Variants in PITPNM2 observed in about 807,000 individuals in gnomAD.
The protein encoded by PITPNM2 is membrane-associated phosphatidylinositol transfer protein 2.
Under a neutral mutation model 132.2 loss-of-function variants are expected in PITPNM2, and 35 were observed. The observed-to-expected ratio is 0.26, with a 90% CI of 0.20 to 0.35. The LOEUF (loss-of-function observed/expected upper bound fraction) is 0.35. Among genes scored for constraint, PITPNM2 ranks in the 10% least tolerant of loss-of-function variants. The probability of loss-of-function intolerance (pLI) is 1.00; values close to 1 mark genes in which losing one functional copy is unlikely to be tolerated. For missense variants in PITPNM2, 1,332 were observed against 1,912.0 expected, an observed-to-expected ratio of 0.70 and a Z score of 5.66; for synonymous variants, 738 against 799.2, an observed-to-expected ratio of 0.92 and a Z score of 1.29.
At chr12:123,136,736 A>C (rs1056268871) in intron 1 of PITPNM2, among the ~76,000 whole-genome samples, 2 of 152,074 alleles carry the variant, frequency 1.3e-5, no homozygotes, top group Non-Finnish European at 2.9e-5. Flanking sequence ...TCTCTACTAA[A>C]AATACAAAAA....
Position 123,000,330 on chromosome 12 carries a change from A to G in PITPNM2, c.1224+448T>C. The G allele has an allele frequency of 1.4e-6, 1 of 691,830 alleles. No individual in the cohort carries two copies. The allele number at this position is 691,830 out of a possible 1,614,324, so 42.9% of individuals were successfully genotyped here. ...CTACCAAGACAGTTTTATTGGACAC[A>G]CTGAGCTCCGCCTGCCTCCCGCGGG... On this transcript the variant is annotated intron_variant, in intron 10 of 25. Coordinates refer to ENST00000320201, the MANE Select transcript of PITPNM2 (RefSeq NM_020845.3). This position sits in a 1 kb window ranked among gnomAD's most constrained non-coding sequence, Gnocchi z 5.4.
At chr12:123,112,476 CT>C (rs569445751) in intron 1 of PITPNM2, among the ~76,000 whole-genome samples, 249 of 152,148 alleles carry the variant, frequency 1.6e-3, no homozygotes, top group African/African-American at 5.8e-3. Flanking sequence ...CATCGTGTTG[CT>C]GTTTCCCAGG....
In PITPNM2 at chr12:122,997,410, G is replaced by A. The variant is rs1255446327; in HGVS notation, c.1387C>T (p.His463Tyr). ...ANVFDTVMRV[H>Y]YPSALGRLAI... ...AGGCGGCCCAGGGCGCTGGGGTAGT[G>A]CACGCGCATGACGGTGTCGAACACG... The change falls in exon 11 of 26, where the codon CAC (histidine) becomes TAC (tyrosine). Residue 463 changes from histidine (H) to tyrosine (Y), a missense_variant. Coordinates refer to ENST00000320201, the MANE Select transcript of PITPNM2 (RefSeq NM_020845.3). 1.9e-6 allele frequency: 3 copies of A among 1,613,496 alleles called. No homozygotes were observed. The highest frequency in any genetic ancestry group is 2.5e-6 in the Non-Finnish European group (3 of 1,179,998).
At chr12:123,029,270 C>T (rs1438569461) in intron 3 of PITPNM2, among the ~76,000 whole-genome samples, 1 of 152,210 alleles carries the variant, frequency 6.6e-6, no homozygotes, top group Non-Finnish European at 1.5e-5. Context: ...AAACTATGCT[C>T]TCTGAGAGCC....
intron 2 of PITPNM2, chr12:123,087,472 A>C (rs2042144867): frequency 6.6e-6 from 1 of 151,748 alleles, no homozygotes; most frequent in Non-Finnish European, 1.5e-5. Flanking sequence ...CCTGACCTCA[A>C]ATGATCTACC....
chr12:123,035,557 T>C (rs1293226648), intron 2 of PITPNM2, among the ~76,000 whole-genome samples: 1 of 151,860 alleles, frequency 6.6e-6, no homozygotes, highest in African/African-American at 2.4e-5. Context: ...TCCCAACTAC[T>C]TGGGAGGCTG....
At chr12:122,996,932 G>A in intron 11 of PITPNM2, 22 bp from the exon 12 acceptor site, 10 of 1,549,558 alleles carry the variant, frequency 6.5e-6, no homozygotes, top group Non-Finnish European at 8.7e-6. Context: ...GGCCAGTCAA[G>A]AGAGGGCAGG....
In PITPNM2 at chr12:122,994,799, A is replaced by T; in HGVS notation, c.2233+2T>A. 6.2e-7 allele frequency: 1 copy of T among 1,602,678 alleles called. No individual in the cohort carries two copies. The highest frequency in any genetic ancestry group is 8.5e-7 in the Non-Finnish European group (1 of 1,177,018). On this transcript the variant is annotated splice_donor_variant, in intron 15 of 25. Coordinates refer to ENST00000320201, the MANE Select transcript of PITPNM2 (RefSeq NM_020845.3). LOFTEE classifies it high-confidence loss of function. This position sits in a 1 kb window ranked among gnomAD's most constrained non-coding sequence, Gnocchi z 5.4. The stretch of plus-strand genomic sequence containing the variant: ...CCCATCCTGCCCCTGCTGGGCTCTC[A>T]CCATCCAGGGCTGGGATGACAGTCT...
rs756225531 is a variant in PITPNM2, at chr12:122,987,466, A to G, written c.3264-36T>C. 9.3e-6 allele frequency: 15 copies of G among 1,611,754 alleles called. No individual in the cohort carries two copies. In the African/African-American group the frequency reaches 2.0e-4, roughly 22 times the overall value. ...GTGGGGGTGCTCATCAGAACCACCC[A>G]GAGCCTCGCCCTGCCTATCCCGCCC... On this transcript the variant is annotated intron_variant, in intron 22 of 25. Transcript: ENST00000320201.
Position 123,064,605 on chromosome 12 carries a change from T to A in PITPNM2, c.-95-29920A>T, listed in dbSNP as rs1026240121. Among the ~76,000 whole-genome samples the A allele has an allele frequency of 2.0e-5, 3 of 152,204 alleles. No homozygotes were observed. The highest frequency in any genetic ancestry group is 4.4e-5 in the Non-Finnish European group (3 of 68,032). ...CCCGCCACTTCCCTGCCAGGCTGAC[T>A]GGGTCAAAAACAAAACGAGCCCAGC... On this transcript the variant is annotated intron_variant, in intron 2 of 25. Transcript: ENST00000320201. This position sits in a 1 kb window ranked among gnomAD's most constrained non-coding sequence, Gnocchi z 4.0.
At chr12:123,042,567 G>A (rs562094747) in intron 2 of PITPNM2, among the ~76,000 whole-genome samples, 2 of 152,244 alleles carry the variant, frequency 1.3e-5, no homozygotes, top group Admixed American at 6.5e-5. Flanking sequence ...CCAAGCCAGC[G>A]GGAGCCCCGG....
chr12:123,046,811 AG>A (rs1352429154), intron 2 of PITPNM2, among the ~76,000 whole-genome samples: 1 of 152,208 alleles, frequency 6.6e-6, no homozygotes, highest in Non-Finnish European at 1.5e-5. Context: ...CAAGGCTATT[AG>A]CCCCGTTTTT....
chr12:123,114,249 T>C (rs751405288), intron 1 of PITPNM2, among the ~76,000 whole-genome samples: 4 of 151,930 alleles, frequency 2.6e-5, no homozygotes, highest in African/African-American at 4.8e-5. Flanking sequence ...ATCACTTAAT[T>C]TAAGACAAGT....
chr12:123,056,234 T>C (rs1444612036), intron 2 of PITPNM2, among the ~76,000 whole-genome samples: 2 of 152,268 alleles, frequency 1.3e-5, no homozygotes, highest in South Asian at 2.1e-4. Context: ...GCCACTTACA[T>C]GTCTGGCATG....
rs898550514 is a variant in PITPNM2 at position 123,008,170 on chromosome 12, G to A, written c.643+1680C>T. ...TCTTCTTTCTTCCCACCAGCCACAAGCTCCTGCTTTCTGAGGGGAGAACTG... is the reference window on the plus strand; with the variant it reads ...TCTTCTTTCTTCCCACCAGCCACAAACTCCTGCTTTCTGAGGGGAGAACTG... On this transcript the variant is annotated intron_variant, in intron 6 of 25. Transcript: ENST00000320201. The surrounding 1 kb of genome is among the most constrained non-coding windows in gnomAD (Gnocchi z 4.1). 2.6e-5 allele frequency among the ~76,000 whole-genome samples: 4 copies of A among 152,208 alleles called. No homozygotes were observed. The highest frequency in any genetic ancestry group is 9.7e-5 in the African/African-American group (4 of 41,446).
intron 1 of PITPNM2, among the ~76,000 whole-genome samples, chr12:123,123,374 G>C (rs927498471): frequency 6.6e-6 from 1 of 152,198 alleles, no homozygotes; most frequent in African/African-American, 2.4e-5. Flanking sequence ...CACTCTAGGA[G>C]GCCGAGGTGA....
chr12:123,021,290 C>A (rs557764792), intron 3 of PITPNM2, among the ~76,000 whole-genome samples: 2 of 152,254 alleles, frequency 1.3e-5, no homozygotes, highest in East Asian at 1.9e-4. Context: ...GCCACAGGGG[C>A]CCCAGCCCTG....
At chr12:123,134,476 G>A (rs1366904390) in intron 1 of PITPNM2, among the ~76,000 whole-genome samples, 1 of 152,044 alleles carries the variant, frequency 6.6e-6, no homozygotes, top group African/African-American at 2.4e-5. Flanking sequence ...TGGACAAATG[G>A]GCTTCGCATG....
rs140786798 is a variant in PITPNM2 at position 122,993,356 on chromosome 12, C to T, written c.2234-687G>A. ...TCAAATGGGGCAGCAGTTCCAACCA[C>T]GTCATGGAGTTAAGGAGATCACGTG... On this transcript the variant is annotated intron_variant, in intron 15 of 25. Transcript: ENST00000320201. The surrounding 1 kb of genome is among the most constrained non-coding windows in gnomAD (Gnocchi z 5.2). Among the ~76,000 whole-genome samples the T allele has an allele frequency of 2.7e-3, 406 of 152,290 alleles. 1 individual carries two copies. Among genetic ancestry groups the T allele is most frequent in the Non-Finnish European group, 2.9e-3 (199 of 68,020 alleles).
Sources: allele counts gnomAD v4.1 joint callset (sites outside exome capture counted in the v4.1 genomes callset), GRCh38; gene constraint gnomAD v4.1.1; non-coding constraint Gnocchi (gnomAD v3.1); transcripts MANE v1.5; gene names NCBI Gene and HGNC (gene_info 2026-07-23, HGNC 2026-07-21).